Variants in PLCB4 observed in about 807,000 individuals in gnomAD.
PLCB4 encodes phospholipase C beta 4.
Under a neutral mutation model 178.8 loss-of-function variants are expected in PLCB4, and 77 were observed. That is an observed-to-expected ratio of 0.43 (90% CI 0.36 to 0.52). PLCB4 has a LOEUF of 0.52. PLCB4 is among the 20% of genes least tolerant of loss of function. The probability of loss-of-function intolerance (pLI) is 0.00; values close to 1 mark genes in which losing one functional copy is unlikely to be tolerated. For synonymous variants in PLCB4, 496 were observed against 490.8 expected, an observed-to-expected ratio of 1.01 and a Z score of -0.14; for missense variants, 1,024 against 1,453.4, an observed-to-expected ratio of 0.70 and a Z score of 4.80.
chr20:9,097,035 A>G (rs1009091728), intron 2 of PLCB4, among the ~76,000 whole-genome samples: 7 of 151,814 alleles, frequency 4.6e-5, no homozygotes, highest in Admixed American at 6.6e-5. Flanking sequence ...CCTGTGTTCA[A>G]GGGATTCTCT....
intron 34 of PLCB4, among the ~76,000 whole-genome samples, chr20:9,458,337 C>G (rs2122412665): frequency 6.6e-6 from 1 of 152,332 alleles, no homozygotes; most frequent in South Asian, 2.1e-4. Context: ...TCTCTCTCTT[C>G]TTAACTGGAA....
chr20:9,107,843 A>G (rs2091425799), intron 2 of PLCB4, among the ~76,000 whole-genome samples: 1 of 152,152 alleles, frequency 6.6e-6, no homozygotes, highest in Admixed American at 6.5e-5. Flanking sequence ...TCAGGAGGTT[A>G]TGTTCCTGTG....
At chr20:9,269,539 A>G (rs2094382287) in intron 3 of PLCB4, among the ~76,000 whole-genome samples, 1 of 152,182 alleles carries the variant, frequency 6.6e-6, no homozygotes, top group Non-Finnish European at 1.5e-5. Flanking sequence ...TCTGGTAAAC[A>G]GAAGGTTGTT....
intron 3 of PLCB4, among the ~76,000 whole-genome samples, chr20:9,227,107 C>A (rs2093875753): frequency 6.6e-6 from 1 of 151,764 alleles, no homozygotes; most frequent in African/African-American, 2.4e-5. Context: ...ATTTATACCT[C>A]TTCTCTGCCC....
intron 3 of PLCB4, among the ~76,000 whole-genome samples, chr20:9,302,594 A>G (rs1006350559): frequency 5.3e-5 from 8 of 152,126 alleles, no homozygotes; most frequent in African/African-American, 1.2e-4. Flanking sequence ...CTGAACCCCA[A>G]TGCTATGAAG....
At chr20:9,246,330 A>G (rs1036758804) in intron 3 of PLCB4, among the ~76,000 whole-genome samples, 8 of 152,244 alleles carry the variant, frequency 5.3e-5, no homozygotes, top group African/African-American at 1.4e-4. Context: ...AAAAACCACA[A>G]TTACTTTTGC....
intron 3 of PLCB4, among the ~76,000 whole-genome samples, chr20:9,266,200 G>A (rs2094347319): frequency 6.6e-6 from 1 of 152,146 alleles, no homozygotes; most frequent in African/African-American, 2.4e-5. Context: ...TATCTCTGGA[G>A]AACTGCAGAA....
chr20:9,427,976 G>T (rs1305885889), intron 28 of PLCB4, among the ~76,000 whole-genome samples: 1 of 152,154 alleles, frequency 6.6e-6, no homozygotes, highest in Non-Finnish European at 1.5e-5. Context: ...TGTCAGGGAA[G>T]ATGAAGTGAC....
chr20:9,427,886 C>T (rs1390547391), intron 28 of PLCB4, among the ~76,000 whole-genome samples: 1 of 152,176 alleles, frequency 6.6e-6, no homozygotes, highest in Admixed American at 6.5e-5. Flanking sequence ...TCATGAGCCT[C>T]CCAGCGCTTT....
At chr20:9,321,786 A>G (rs1046894424) in intron 4 of PLCB4, among the ~76,000 whole-genome samples, 43 of 151,430 alleles carry the variant, frequency 2.8e-4, no homozygotes, top group African/African-American at 1.0e-3. Context: ...GGTGCGCACC[A>G]CCATGCCCAG....
intron 19 of PLCB4, among the ~76,000 whole-genome samples, chr20:9,397,441 T>G (rs1353199823): frequency 6.6e-6 from 1 of 152,194 alleles, no homozygotes; most frequent in Non-Finnish European, 1.5e-5. Context: ...CCTCTTCCCA[T>G]AAATCATGAA....
At chr20:9,115,460 G>T (rs1266897962) in intron 2 of PLCB4, among the ~76,000 whole-genome samples, 1 of 150,522 alleles carries the variant, frequency 6.6e-6, no homozygotes, top group Non-Finnish European at 1.5e-5. Context: ...TAAGTTTTAG[G>T]GTACATGTGC....
chr20:9,098,741 A>ATG (rs35465129), intron 2 of PLCB4, among the ~76,000 whole-genome samples: 2,585 of 135,448 alleles, frequency 0.019, 41 homozygotes, highest in African/African-American at 0.043. Context: ...ATATACATAT[A>ATG]TGTGTGTGTG....
intron 3 of PLCB4, among the ~76,000 whole-genome samples, chr20:9,290,858 G>A (rs2094574098): frequency 6.6e-6 from 1 of 152,046 alleles, no homozygotes; most frequent in Non-Finnish European, 1.5e-5. Flanking sequence ...AAACTAAGAA[G>A]GCATCACAGA....
At chr20:9,154,174 A>T (rs951725835) in intron 2 of PLCB4, among the ~76,000 whole-genome samples, 7 of 152,124 alleles carry the variant, frequency 4.6e-5, no homozygotes, top group Non-Finnish European at 7.4e-5. Context: ...AGAAGAAAGG[A>T]ATCCTTTTAG....
chr20:9,220,711 G>A (rs1199326067), intron 3 of PLCB4, among the ~76,000 whole-genome samples: 1 of 152,120 alleles, frequency 6.6e-6, no homozygotes, highest in Non-Finnish European at 1.5e-5. Flanking sequence ...ACTTAATGTT[G>A]ACTTTTCTTT....
chr20:9,073,923 G>C (rs148952426), intron 1 of PLCB4, among the ~76,000 whole-genome samples: 1 of 152,152 alleles, frequency 6.6e-6, no homozygotes, highest in East Asian at 1.9e-4. Context: ...CTGCTGAAAA[G>C]GGTCTTTAAG....
intron 7 of PLCB4, among the ~76,000 whole-genome samples, chr20:9,362,499 C>T (rs972697689): frequency 6.6e-6 from 1 of 152,166 alleles, no homozygotes; most frequent in Non-Finnish European, 1.5e-5. Flanking sequence ...AACCCCTATT[C>T]ATTTATCCTC....
intron 2 of PLCB4, among the ~76,000 whole-genome samples, chr20:9,151,649 T>G (rs992289787): frequency 1.3e-5 from 2 of 152,134 alleles, no homozygotes; most frequent in Admixed American, 1.3e-4. Context: ...CAATTAAACC[T>G]TTTTTTCTTC....
Sources: allele counts gnomAD v4.1 joint callset (sites outside exome capture counted in the v4.1 genomes callset), GRCh38; gene constraint gnomAD v4.1.1; transcripts MANE v1.5; gene names NCBI Gene and HGNC (gene_info 2026-07-23, HGNC 2026-07-21).